The following SLC26A4 variants were observed in gnomAD, a reference collection of about 807,000 sequenced individuals.
The protein encoded by SLC26A4 is solute carrier family 26 member 4.
Under a neutral mutation model 90.4 loss-of-function variants are expected in SLC26A4, and 93 were observed. The observed-to-expected ratio is 1.03, with a 90% CI of 0.87 to 1.22. The LOEUF (loss-of-function observed/expected upper bound fraction) is 1.22. Ranked by LOEUF, SLC26A4 falls within the 50% of genes most tolerant of loss-of-function variation. SLC26A4 has a pLI of 0.00. For missense variants in SLC26A4, 1,127 were observed against 946.2 expected, an observed-to-expected ratio of 1.19 and a Z score of -2.51; for synonymous variants, 393 against 354.6, an observed-to-expected ratio of 1.11 and a Z score of -1.22.
rs754219892 is a variant in SLC26A4 at position 107,672,253 on chromosome 7, TTATAAG to T, written c.415+10_415+15del. Reference sequence around the variant, plus strand: ...CATCAAGACATATCTCAGTTGGTAATTATAAGTATATTTTACAATTATATTTGCTCA... The same window carrying T: ...CATCAAGACATATCTCAGTTGGTAATTATATTTTACAATTATATTTGCTCA... On this transcript the variant is annotated splice_donor_region_variant and intron_variant, in intron 4 of 20. Transcript: ENST00000644269. 6.5e-6 allele frequency: 10 copies of T among 1,527,156 alleles called. No homozygotes were observed. Among genetic ancestry groups the T allele is most frequent in the Admixed American group, 1.7e-5 (1 of 59,888 alleles). The allele number at this position is 1,527,156 out of a possible 1,614,324, so 94.6% of individuals were successfully genotyped here.
intron 9 of SLC26A4, 41 bp from the exon 10 acceptor site, chr7:107,690,083 A>T (rs984958530): frequency 8.6e-7 from 1 of 1,166,638 alleles, no homozygotes; most frequent in Non-Finnish European, 1.3e-6. Flanking sequence ...TCTTGCAAAG[A>T]TTCAATTTGT....
At chr7:107,685,211 A>G (rs559388717) in intron 8 of SLC26A4, among the ~76,000 whole-genome samples, 1 of 152,284 alleles carries the variant, frequency 6.6e-6, no homozygotes, top group African/African-American at 2.4e-5. Context: ...CTCAGAAAAC[A>G]CTTGTTGAAG....
intron 3 of SLC26A4, among the ~76,000 whole-genome samples, chr7:107,665,653 T>C (rs1020238484): frequency 2.0e-5 from 3 of 152,112 alleles, no homozygotes; most frequent in Non-Finnish European, 4.4e-5. Context: ...CCAGTTTTCA[T>C]AGACAAGTAT....
intron 9 of SLC26A4, among the ~76,000 whole-genome samples, chr7:107,689,528 G>T (rs539023840): frequency 9.9e-5 from 15 of 152,032 alleles, no homozygotes; most frequent in Non-Finnish European, 2.2e-4. Flanking sequence ...TATTTTTAAC[G>T]GCAGTTATAA....
At position 107,702,055 on chromosome 7, in the gene SLC26A4, G is replaced by A. The variant is rs751691787; in HGVS notation, c.2032G>A (p.Val678Met). ...LDVVGVRSLR[V>M]IVKEFQRIDV... ...CGTTGTTGGAGTGAGATCACTGCGGGTGGTAAGGTTCTGGTTTTCTGAATT... is the reference window on the plus strand; with the variant it reads ...CGTTGTTGGAGTGAGATCACTGCGGATGGTAAGGTTCTGGTTTTCTGAATT... Residue 678 changes from valine to methionine, a missense_variant and splice_region_variant, in exon 17 of 21, where the codon GTG (valine) becomes ATG (methionine). Transcript: ENST00000644269. The A allele has an allele frequency of 2.5e-6, 4 of 1,595,854 alleles. No homozygotes were observed. Among genetic ancestry groups the A allele is most frequent in the South Asian group, 2.2e-5 (2 of 90,744 alleles).
chr7:107,677,779 T>C (rs1791068157), intron 6 of SLC26A4, among the ~76,000 whole-genome samples: 1 of 151,900 alleles, frequency 6.6e-6, no homozygotes, highest in African/African-American at 2.4e-5. Flanking sequence ...CTAATTTTCT[T>C]TTTCTTTGTT....
intron 6 of SLC26A4, among the ~76,000 whole-genome samples, chr7:107,676,895 C>A (rs1791037824): frequency 6.6e-6 from 1 of 152,062 alleles, no homozygotes; most frequent in Middle Eastern, 3.2e-3. Context: ...ATCATGAGGC[C>A]AGGTGTGGTG....
At chr7:107,700,992 A>T (rs955818754) in intron 15 of SLC26A4, 109 bp from the exon 16 acceptor site, 62 of 744,968 alleles carry the variant, frequency 8.3e-5, no homozygotes, top group Non-Finnish European at 1.4e-4. Flanking sequence ...TTTTGGCAGG[A>T]TAGCTCAAGG....
At chr7:107,706,686 T>G (rs552180411) in intron 18 of SLC26A4, among the ~76,000 whole-genome samples, 1 of 152,342 alleles carries the variant, frequency 6.6e-6, no homozygotes, top group South Asian at 2.1e-4. Flanking sequence ...AAATATGATA[T>G]TCTATTCAAA....
chr7:107,676,662 C>G (rs1791031896), intron 6 of SLC26A4, among the ~76,000 whole-genome samples: 1 of 152,136 alleles, frequency 6.6e-6, no homozygotes, highest in African/African-American at 2.4e-5. Flanking sequence ...GAGTTTGAGT[C>G]TTTAAAGACC....
rs557892300 is a variant in SLC26A4 at position 107,674,219 on chromosome 7, C to G, written c.471C>G (p.Pro157=). 5 of 1,614,048 alleles carry G rather than the reference C, an allele frequency of 3.1e-6. No individual in the cohort carries two copies. The highest frequency in any genetic ancestry group is 8.5e-7 in the Non-Finnish European group (1 of 1,180,008). ...MVGSVVLSMA[P]DEHFLVSSSN... ...GATCTGTTGTTCTGAGCATGGCCCC[C>G]GACGAACACTTTCTCGTATCCAGCA... The change falls in exon 5 of 21, where the codon CCC becomes CCG. Residue 157 remains proline (P), a synonymous_variant. Coordinates refer to ENST00000644269, the MANE Select transcript of SLC26A4 (RefSeq NM_000441.2).
chr7:107,701,630 T>C (rs533375940), intron 16 of SLC26A4, among the ~76,000 whole-genome samples, 197 bp from the exon 17 acceptor site: 1 of 152,210 alleles, frequency 6.6e-6, no homozygotes, highest in Non-Finnish European at 1.5e-5. Context: ...AAAAGTTTCC[T>C]GGCTCCTCTG....
chr7:107,694,863 A>C, intron 12 of SLC26A4, 147 bp downstream of exon 12: 1 of 693,686 alleles, frequency 1.4e-6, no homozygotes, highest in Non-Finnish European at 2.6e-6. Flanking sequence ...GGATAAATCA[A>C]AGCCATGAAG....
At chr7:107,691,108 TACACACAC>T (rs113420862) in intron 10 of SLC26A4, among the ~76,000 whole-genome samples, 27 of 141,518 alleles carry the variant, frequency 1.9e-4, no homozygotes, top group African/African-American at 3.9e-4. Flanking sequence ...CATAGTGCAA[TACACACAC>T]ACACACACAC....
intron 18 of SLC26A4, among the ~76,000 whole-genome samples, chr7:107,704,739 CT>C (rs1287220266): frequency 8.5e-5 from 13 of 152,130 alleles, no homozygotes; most frequent in Non-Finnish European, 1.6e-4. Context: ...TGTCAGGATA[CT>C]TTTTTGTATG....
In SLC26A4 at chr7:107,661,543, T is replaced by G; in HGVS notation, c.-3-96T>G. On this transcript the variant is annotated intron_variant, in intron 1 of 20. Transcript: ENST00000644269. The surrounding 1 kb of genome is among the most constrained non-coding windows in gnomAD (Gnocchi z 5.1). ...CGGTGCAGGGGGGCCTGGCTGCAGC[T>G]AACAGGTGATCCCGTTCTTTCTGTT... The G allele has an allele frequency of 1.5e-6, 2 of 1,342,338 alleles. No homozygotes were observed. Among genetic ancestry groups the G allele is most frequent in the South Asian group, 2.5e-5 (2 of 79,456 alleles). The allele number at this position is 1,342,338 out of a possible 1,614,324, so 83.2% of individuals were successfully genotyped here.
At chr7:107,710,029 A>G (rs1792137267) in intron 18 of SLC26A4, 25 bp from the exon 19 acceptor site, 1 of 1,609,154 alleles carries the variant, frequency 6.2e-7, no homozygotes, top group Non-Finnish European at 8.5e-7. Flanking sequence ...AGGAACTAAC[A>G]AAACATTGTG....
intron 17 of SLC26A4, among the ~76,000 whole-genome samples, chr7:107,703,456 G>A (rs1186972738): frequency 6.6e-6 from 1 of 152,232 alleles, no homozygotes; most frequent in African/African-American, 2.4e-5. Context: ...AGAATATGCT[G>A]ACAGGTTCTG....
intron 13 of SLC26A4, 107 bp from the exon 14 acceptor site, chr7:107,697,935 G>T: frequency 1.3e-6 from 1 of 757,416 alleles, no homozygotes; most frequent in Non-Finnish European, 2.4e-6. Flanking sequence ...TAAAGACAGA[G>T]TCCAAAACAC....
Sources: gnomAD v4.1 joint callset for allele counts (sites outside exome capture counted in the v4.1 genomes callset) on GRCh38, gnomAD v4.1.1 for gene constraint, Gnocchi (gnomAD v3.1) non-coding constraint, MANE v1.5 for transcripts, NCBI Gene and HGNC (gene_info 2026-07-23, HGNC 2026-07-21) for gene names.